POR: variants seen among roughly 807,000 people sequenced by gnomAD.
POR encodes cytochrome p450 oxidoreductase.
POR carries 56 observed loss-of-function variants against 84.0 expected under a neutral mutation model. That is an observed-to-expected ratio of 0.67 (90% CI 0.54 to 0.83). The LOEUF is 0.83. POR is among the 40% of genes least tolerant of loss of function. The pLI, the probability that POR is intolerant of heterozygous loss-of-function variation, is 0.00. For missense variants in POR, 938 were observed against 944.3 expected, an observed-to-expected ratio of 0.99 and a Z score of 0.09; for synonymous variants, 414 against 400.5, an observed-to-expected ratio of 1.03 and a Z score of -0.40.
intron 2 of POR, among the ~76,000 whole-genome samples, chr7:75,957,988 C>G (rs1787759275): frequency 6.6e-6 from 1 of 152,162 alleles, no homozygotes; most frequent in African/African-American, 2.4e-5. Flanking sequence ...AAGTCTGTGT[C>G]CCCAACTGTA....
chr7:75,960,729 C>T (rs1211233431), intron 2 of POR, among the ~76,000 whole-genome samples: 2 of 152,098 alleles, frequency 1.3e-5, no homozygotes, highest in Non-Finnish European at 2.9e-5. Flanking sequence ...TTTTGCCTCC[C>T]ATGGTGCAGA....
chr7:75,985,574 C>A lies in POR; in HGVS notation c.1399-5C>A, dbSNP rs782175668. On this transcript the variant is annotated splice_region_variant and splice_polypyrimidine_tract_variant and intron_variant, in intron 12 of 15. Transcript: ENST00000461988. ...GCGGTGGAGCTCACACGGCCCTCCC[C>A]ACAGGTCCACCCCAACTCTGTGCAC... The A allele has an allele frequency of 8.5e-6, 13 of 1,531,256 alleles. No homozygotes were observed. Among genetic ancestry groups the A allele is most frequent in the African/African-American group, 4.1e-5 (3 of 73,386 alleles). 94.9% of individuals were successfully genotyped at this position (1,531,256 alleles called of 1,614,324 possible). A position where few individuals can be genotyped will look rare whatever the true frequency, so the allele number is the denominator to read the frequency against.
intron 1 of POR, among the ~76,000 whole-genome samples, chr7:75,933,623 T>A (rs1325795425): frequency 6.6e-6 from 1 of 152,168 alleles, no homozygotes; most frequent in Non-Finnish European, 1.5e-5. Flanking sequence ...ACTCCTGACC[T>A]CAGGTGATCC....
chr7:75,979,609 T>C, intron 4 of POR, 30 bp downstream of exon 4: 1 of 1,610,502 alleles, frequency 6.2e-7, no homozygotes, highest in South Asian at 1.1e-5. Context: ...TGGCCCCAGA[T>C]GGAGGCAGTG....
chr7:75,951,271 G>A (rs371438624), intron 1 of POR, among the ~76,000 whole-genome samples: 1 of 151,662 alleles, frequency 6.6e-6, no homozygotes, highest in African/African-American at 2.4e-5. Flanking sequence ...GCGGGCACCC[G>A]TAGTCCCAGG....
chr7:75,984,311 T>TG (rs1255909447), intron 10 of POR, among the ~76,000 whole-genome samples: 4 of 152,128 alleles, frequency 2.6e-5, no homozygotes, highest in Non-Finnish European at 5.9e-5. Context: ...CTGGGCCTGG[T>TG]GGGGCTGCCC....
intron 2 of POR, among the ~76,000 whole-genome samples, 187 bp from the exon 3 acceptor site, chr7:75,972,226 T>G (rs782440233): frequency 8.6e-5 from 13 of 151,948 alleles, no homozygotes; most frequent in Non-Finnish European, 1.3e-4. Flanking sequence ...CTGGGAGCCC[T>G]GGTGTTGGAT....
chr7:75,920,753 G>A (rs1806817207), intron 1 of POR, among the ~76,000 whole-genome samples: 2 of 152,098 alleles, frequency 1.3e-5, no homozygotes, highest in African/African-American at 2.4e-5. Context: ...AGGAACACGT[G>A]AACTACGGTC....
chr7:75,916,447 A>G (rs1585078609), intron 1 of POR, among the ~76,000 whole-genome samples: 1 of 152,226 alleles, frequency 6.6e-6, no homozygotes. Flanking sequence ...AGGCCCAGTT[A>G]GTAAACCAGG....
intron 1 of POR, among the ~76,000 whole-genome samples, chr7:75,921,562 G>A (rs563747783): frequency 2.0e-5 from 3 of 151,956 alleles, no homozygotes; most frequent in Admixed American, 2.0e-4. Flanking sequence ...ACCACGCCCG[G>A]CCCTTTAAAT....
At position 75,980,325 on chromosome 7, in the gene POR, C is replaced by T. The variant is rs1788940921; in HGVS notation, c.367-14C>T. On this transcript the variant is annotated splice_polypyrimidine_tract_variant and intron_variant, in intron 4 of 15. Coordinates refer to ENST00000461988, the MANE Select transcript of POR (RefSeq NM_000941.3). ...AGTCATGGCCGGGGCGCGGTCCTGTCCCTGTTTCTGCAGGCCGACCTGAGC... is the reference window on the plus strand; with the variant it reads ...AGTCATGGCCGGGGCGCGGTCCTGTTCCTGTTTCTGCAGGCCGACCTGAGC... The T allele has an allele frequency of 2.5e-6, 4 of 1,610,650 alleles. No individual in the cohort carries two copies. Among genetic ancestry groups the T allele is most frequent in the Non-Finnish European group, 3.4e-6 (4 of 1,178,156 alleles).
chr7:75,934,429 G>A (rs1295075541), intron 1 of POR, among the ~76,000 whole-genome samples: 6 of 152,102 alleles, frequency 3.9e-5, no homozygotes, highest in African/African-American at 1.2e-4. Context: ...AAAGGGAAGC[G>A]GAATGTAAGT....
chr7:75,979,003 G>A (rs1283652902), intron 3 of POR, among the ~76,000 whole-genome samples: 1 of 151,436 alleles, frequency 6.6e-6, no homozygotes. Flanking sequence ...CACCATGTTG[G>A]TCAGGCTGGT....
At chr7:75,939,827 C>T (rs1396341781) in intron 1 of POR, among the ~76,000 whole-genome samples, 2 of 151,960 alleles carry the variant, frequency 1.3e-5, no homozygotes, top group Non-Finnish European at 2.9e-5. Flanking sequence ...AGGCTGGTCT[C>T]GAGCTCCTGA....
chr7:75,973,557 A>G (rs1554556466), intron 3 of POR, among the ~76,000 whole-genome samples: 1 of 151,324 alleles, frequency 6.6e-6, no homozygotes, highest in Non-Finnish European at 1.5e-5. Context: ...GCCTCAAGCA[A>G]TCCTTCTGCC....
chr7:75,931,801 A>C (rs1554550170), intron 1 of POR, among the ~76,000 whole-genome samples: 1 of 151,984 alleles, frequency 6.6e-6, no homozygotes, highest in African/African-American at 2.4e-5. Context: ...ACTCACCCAC[A>C]CATGAACCGG....
intron 3 of POR, among the ~76,000 whole-genome samples, chr7:75,973,334 G>C (rs1788523812): frequency 6.6e-6 from 1 of 152,046 alleles, no homozygotes; most frequent in South Asian, 2.1e-4. Context: ...TTATTTTAGA[G>C]ACAGGGTCTC....
chr7:75,966,726 A>C (rs1053165282), intron 2 of POR, among the ~76,000 whole-genome samples: 7 of 152,004 alleles, frequency 4.6e-5, no homozygotes, highest in Non-Finnish European at 1.0e-4. Context: ...AACAAAATGA[A>C]CCGCACATCT....
At chr7:75,976,211 T>C (rs543906168) in intron 3 of POR, among the ~76,000 whole-genome samples, 5 of 152,320 alleles carry the variant, frequency 3.3e-5, no homozygotes, top group Non-Finnish European at 7.4e-5. Context: ...ATGAGCACTT[T>C]CTCTTCTATT....
Sources: allele counts gnomAD v4.1 joint callset (sites outside exome capture counted in the v4.1 genomes callset), GRCh38; gene constraint gnomAD v4.1.1; transcripts MANE v1.5; gene names NCBI Gene and HGNC (gene_info 2026-07-23, HGNC 2026-07-21).